Variants in GLIS3 observed in about 807,000 individuals in gnomAD.
GLIS3 encodes GLIS family zinc finger 3, also known as zinc finger protein GLIS3.
Under a neutral mutation model 78.6 loss-of-function variants are expected in GLIS3, and 53 were observed. That is an observed-to-expected ratio of 0.67 (90% confidence interval 0.54 to 0.85). The LOEUF is 0.85. Ranked by LOEUF, GLIS3 falls within the 40% of genes least tolerant of loss-of-function variation. The pLI is 0.00. For synonymous variants in GLIS3, 684 were observed against 509.9 expected (o/e 1.34, Z -4.60); for missense variants, 1,703 against 1,231.1 (o/e 1.38, Z -5.74).
intron 2 of GLIS3, among the ~76,000 whole-genome samples, chr9:4,331,912 G>A (rs1037663331): frequency 6.6e-6 from 1 of 152,156 alleles, no homozygotes; most frequent in African/African-American, 2.4e-5. Flanking sequence ...AAAATGCCCA[G>A]GTTGTCAACT....
chr9:3,937,457 G>A (rs1165715815), intron 4 of GLIS3, among the ~76,000 whole-genome samples: 2 of 152,238 alleles, frequency 1.3e-5, no homozygotes, highest in East Asian at 1.9e-4. Flanking sequence ...AAAATTCACC[G>A]TGAGCCATCT....
At chr9:4,187,432 T>G (rs1385086134) in intron 2 of GLIS3, among the ~76,000 whole-genome samples, 1 of 152,232 alleles carries the variant, frequency 6.6e-6, no homozygotes, top group Non-Finnish European at 1.5e-5. Flanking sequence ...GGTAGCATGA[T>G]GCCTCCAGCT....
At chr9:4,074,705 T>C (rs1239196418) in intron 4 of GLIS3, among the ~76,000 whole-genome samples, 4 of 152,198 alleles carry the variant, frequency 2.6e-5, no homozygotes, top group Non-Finnish European at 5.9e-5. Context: ...GCACCTTTTC[T>C]TAGATAGCAT....
At chr9:4,470,740 G>C in the GLIS3 span, among the ~76,000 whole-genome samples, 6 of 152,144 alleles carry the variant, frequency 3.9e-5, no homozygotes, top group South Asian at 1.0e-3. Flanking sequence ...CATAGTGTTG[G>C]AAGTTCTGGC....
chr9:4,384,380 A>C, the GLIS3 span, among the ~76,000 whole-genome samples: 1 of 152,184 alleles, frequency 6.6e-6, no homozygotes, highest in Admixed American at 6.5e-5. Context: ...AATGAAGATA[A>C]AAATTTATTT....
chr9:4,447,115 G>A, the GLIS3 span, among the ~76,000 whole-genome samples: 1 of 151,644 alleles, frequency 6.6e-6, no homozygotes, highest in Non-Finnish European at 1.5e-5. Context: ...TGGCACAATC[G>A]CAGCTCACTG....
At chr9:4,386,471 CTCTG>C in the GLIS3 span, 25 of 152,224 alleles carry the variant, frequency 1.6e-4, no homozygotes, top group African/African-American at 5.3e-4. Flanking sequence ...TGTTAATCTT[CTCTG>C]TATCATTCCA....
chr9:4,384,421 T>C, the GLIS3 span, among the ~76,000 whole-genome samples: 7 of 152,174 alleles, frequency 4.6e-5, no homozygotes, highest in South Asian at 1.5e-3. Context: ...TTTGTGTTCT[T>C]TAACAAGGAC....
Position 4,018,372 on chromosome 9 carries a change from C to G in GLIS3, c.1711-81183G>C, listed in dbSNP as rs577995940. On this transcript the variant is annotated intron_variant, in intron 4 of 10. Coordinates refer to ENST00000381971, the MANE Select transcript of GLIS3 (RefSeq NM_001042413.2). The stretch of plus-strand genomic sequence containing the variant: ...TGCACATATCTGTCCCCAGAACCCA[C>G]AGCTGAAAGAGAAGTCACTAAGGAA... 3.9e-5 allele frequency among the ~76,000 whole-genome samples: 6 copies of G among 152,352 alleles called. No individual in the cohort carries two copies. The East Asian group carries it at 1.2e-3, about 29-fold the overall frequency.
intron 4 of GLIS3, chr9:4,071,592 A>C (rs1269224549): frequency 6.6e-6 from 1 of 152,202 alleles, no homozygotes; most frequent in Non-Finnish European, 1.5e-5. Context: ...AATATCTGCT[A>C]AATGCTAAGG....
At chr9:4,423,971 G>A in the GLIS3 span, among the ~76,000 whole-genome samples, 1 of 152,158 alleles carries the variant, frequency 6.6e-6, no homozygotes, top group Admixed American at 6.5e-5. Context: ...CAAACTTAAA[G>A]AAAATATAAA....
intron 9 of GLIS3, among the ~76,000 whole-genome samples, chr9:3,848,097 T>C (rs1819171308): frequency 6.6e-6 from 1 of 152,266 alleles, no homozygotes; most frequent in African/African-American, 2.4e-5. Context: ...GCTTAAGTTC[T>C]AAGCAATACA....
chr9:3,949,504 G>A (rs1190453715), intron 4 of GLIS3, among the ~76,000 whole-genome samples: 4 of 152,174 alleles, frequency 2.6e-5, no homozygotes, highest in Non-Finnish European at 4.4e-5. Flanking sequence ...GCCAAACAAC[G>A]AAATATCTTA....
chr9:3,960,047 G>C (rs1368078749), intron 4 of GLIS3, among the ~76,000 whole-genome samples: 2 of 152,194 alleles, frequency 1.3e-5, no homozygotes, highest in East Asian at 3.9e-4. Flanking sequence ...AGTTGCAGAA[G>C]AATTGCTTGA....
At chr9:3,893,319 A>C (rs1822589434) in intron 7 of GLIS3, among the ~76,000 whole-genome samples, 1 of 152,188 alleles carries the variant, frequency 6.6e-6, no homozygotes, top group African/African-American at 2.4e-5. Context: ...ACATGAATAC[A>C]AGGGACTAAG....
At chr9:3,979,579 G>A (rs1424109106) in intron 4 of GLIS3, among the ~76,000 whole-genome samples, 1 of 152,184 alleles carries the variant, frequency 6.6e-6, no homozygotes, top group Admixed American at 6.5e-5. Context: ...ACTTCCTTCA[G>A]GAAGCCTTCT....
chr9:3,869,285 GTGTGTGTGTA>G (rs1179801601), intron 8 of GLIS3, among the ~76,000 whole-genome samples: 1 of 99,846 alleles, frequency 1.0e-5, no homozygotes, highest in African/African-American at 3.5e-5. Context: ...GTGTGTGTGT[GTGTGTGTGTA>G]AAAGCTGAGT....
the GLIS3 span, among the ~76,000 whole-genome samples, chr9:4,371,853 C>T: frequency 6.6e-6 from 1 of 152,226 alleles, no homozygotes; most frequent in Non-Finnish European, 1.5e-5. Flanking sequence ...ATAGAGGCCA[C>T]TTCTTAGTTC....
At chr9:3,966,982 T>C (rs1588337198) in intron 4 of GLIS3, among the ~76,000 whole-genome samples, 1 of 113,598 alleles carries the variant, frequency 8.8e-6, no homozygotes, top group Non-Finnish European at 1.6e-5. Context: ...TCCTTATTCC[T>C]ACCCTCAACT....
Sources: allele counts gnomAD v4.1 joint callset (sites outside exome capture counted in the v4.1 genomes callset), GRCh38; gene constraint gnomAD v4.1.1; transcripts MANE v1.5; gene names NCBI Gene and HGNC (gene_info 2026-07-23, HGNC 2026-07-21).